The following ADCY10 variants were observed in gnomAD, a reference collection of about 807,000 sequenced individuals.
The protein encoded by ADCY10 is adenylate cyclase 10.
Under a neutral mutation model 183.3 loss-of-function variants are expected in ADCY10, and 156 were observed. The ratio of observed to expected loss-of-function variants is 0.85; its 90% CI spans 0.75 to 0.97. The LOEUF (loss-of-function observed/expected upper bound fraction) is 0.97. ADCY10 is among the 50% of genes least tolerant of loss of function. The pLI is 0.00. For missense variants in ADCY10, 1,745 were observed against 1,934.3 expected, an observed-to-expected ratio of 0.90 and a Z score of 1.84; for synonymous variants, 645 against 670.0, an observed-to-expected ratio of 0.96 and a Z score of 0.58.
At chr1:167,910,599 A>T (rs1670086954) in intron 1 of ADCY10, among the ~76,000 whole-genome samples, 1 of 152,206 alleles carries the variant, frequency 6.6e-6, no homozygotes, top group African/African-American at 2.4e-5. Context: ...ATTAAAGTTC[A>T]TGGGAAGTAT....
intron 30 of ADCY10, 183 bp from the exon 31 acceptor site, chr1:167,818,450 A>G: frequency 1.4e-6 from 1 of 730,034 alleles, no homozygotes; most frequent in East Asian, 2.5e-5. Context: ...AGAGCAAGGA[A>G]ATAATAAATT....
chr1:167,883,693 C>T (rs1668028006), intron 8 of ADCY10, 65 bp from the exon 9 acceptor site: 2 of 1,489,284 alleles, frequency 1.3e-6, no homozygotes, highest in Non-Finnish European at 9.4e-7. Context: ...CAACACCGCC[C>T]CCACCTCATA....
intron 18 of ADCY10, among the ~76,000 whole-genome samples, chr1:167,852,868 T>C (rs889351214): frequency 6.6e-5 from 10 of 151,994 alleles, no homozygotes; most frequent in Non-Finnish European, 1.2e-4. Flanking sequence ...GGCCACATGG[T>C]CCTGTAGTCA....
intron 14 of ADCY10, among the ~76,000 whole-genome samples, chr1:167,869,027 A>G (rs1208049751): frequency 6.6e-6 from 1 of 152,242 alleles, no homozygotes; most frequent in Admixed American, 6.5e-5. Flanking sequence ...ATTTAACCTT[A>G]CTAATTACTG....
intron 14 of ADCY10, among the ~76,000 whole-genome samples, chr1:167,863,940 G>A (rs754526301): frequency 3.9e-5 from 6 of 152,080 alleles, no homozygotes; most frequent in Non-Finnish European, 8.8e-5. Context: ...TTTTGACTTG[G>A]TTTGAATTAC....
At chr1:167,856,511 C>T in intron 16 of ADCY10, 72 bp from the exon 17 acceptor site, 1 of 1,446,722 alleles carries the variant, frequency 6.9e-7, no homozygotes, top group Non-Finnish European at 9.7e-7. Flanking sequence ...TATGGGTATG[C>T]ATATGTATCC....
chr1:167,887,586 C>T (rs1278319737), intron 8 of ADCY10, among the ~76,000 whole-genome samples: 1 of 151,888 alleles, frequency 6.6e-6, no homozygotes, highest in African/African-American at 2.4e-5. Flanking sequence ...AGGAGATATA[C>T]CTAATGTAAA....
At chr1:167,827,957 G>A (rs528857099) in intron 26 of ADCY10, among the ~76,000 whole-genome samples, 96 of 151,958 alleles carry the variant, frequency 6.3e-4, no homozygotes, top group African/African-American at 2.1e-3. Flanking sequence ...CACGTGATCC[G>A]CCCACCTCAG....
intron 9 of ADCY10, among the ~76,000 whole-genome samples, 200 bp from the exon 10 acceptor site, chr1:167,880,809 A>G (rs1201550824): frequency 6.6e-6 from 1 of 152,228 alleles, no homozygotes; most frequent in Non-Finnish European, 1.5e-5. Context: ...AGCCTTGAGA[A>G]GGGCTTGTTT....
chr1:167,860,263 T>C (rs948666034), intron 15 of ADCY10, among the ~76,000 whole-genome samples: 1 of 152,132 alleles, frequency 6.6e-6, no homozygotes, highest in African/African-American at 2.4e-5. Context: ...TGGAAGCCAG[T>C]GACAGATCAT....
intron 18 of ADCY10, 82 bp from the exon 19 acceptor site, chr1:167,848,571 A>C: frequency 1.3e-6 from 2 of 1,484,246 alleles, no homozygotes; most frequent in Non-Finnish European, 9.4e-7. Context: ...TTTGAGATGG[A>C]TCTCATATGA....
At chr1:167,848,592 G>A in intron 18 of ADCY10, 103 bp from the exon 19 acceptor site, 3 of 1,261,226 alleles carry the variant, frequency 2.4e-6, no homozygotes, top group African/African-American at 1.5e-5. Context: ...GGAAGACTGG[G>A]CAGAGATGTA....
At chr1:167,896,502 G>T in intron 7 of ADCY10, 93 bp downstream of exon 7, 1 of 1,013,798 alleles carries the variant, frequency 9.9e-7, no homozygotes, top group Non-Finnish European at 1.6e-6. Flanking sequence ...GTGTTGAGGA[G>T]CCCACCCACC....
chr1:167,912,632 GC>G (rs1056381956), intron 1 of ADCY10, among the ~76,000 whole-genome samples: 1 of 152,134 alleles, frequency 6.6e-6, no homozygotes, highest in Non-Finnish European at 1.5e-5. Context: ...CGGCTTTGGA[GC>G]CCCCCTCCCT....
Position 167,824,587 on chromosome 1 carries a change from A to G in ADCY10, c.3956-15T>C. ...GGCTCGGGAGCCTGGGAAGAAAACA[A>G]TTCCAGTATATTGTGGGGCATTCCT... On this transcript the variant is annotated splice_polypyrimidine_tract_variant and intron_variant, in intron 27 of 32. Coordinates refer to ENST00000367851, the MANE Select transcript of ADCY10 (RefSeq NM_018417.6). The G allele has an allele frequency of 6.2e-7, 1 of 1,614,144 alleles. No homozygotes were observed. Among genetic ancestry groups the G allele is most frequent in the Non-Finnish European group, 8.5e-7 (1 of 1,180,008 alleles).
At chr1:167,848,221 T>C (rs1326407421) in intron 19 of ADCY10, 140 bp downstream of exon 19, 3 of 635,830 alleles carry the variant, frequency 4.7e-6, no homozygotes, top group African/African-American at 3.7e-5. Context: ...GCTAATTTTT[T>C]TGTATTTTTA....
At chr1:167,818,020 A>C in intron 31 of ADCY10, 52 bp downstream of exon 31, 53 of 1,505,768 alleles carry the variant, frequency 3.5e-5, no homozygotes, top group Non-Finnish European at 4.5e-5. Flanking sequence ...GGAAGTAGAC[A>C]GAGATCCATT....
chr1:167,809,407 A>G lies in ADCY10; in HGVS notation c.*271T>C, dbSNP rs774962995. 1.2e-4 allele frequency: 49 copies of G among 420,878 alleles called. 1 individual carries two copies. The highest frequency in any genetic ancestry group is 1.2e-4 in the Non-Finnish European group (27 of 231,888). The allele number at this position is 420,878 out of a possible 1,614,324, so 26.1% of individuals were successfully genotyped here. A position where few individuals can be genotyped will look rare whatever the true frequency, so the allele number is the denominator to read the frequency against. ...CATCTTGAGATTAATAATTTGTAAT[A>G]TGATACAGTTTTGCATGGGCTGAAA... On this transcript the variant is annotated 3_prime_UTR_variant, in exon 33 of 33. Coordinates refer to ENST00000367851, the MANE Select transcript of ADCY10 (RefSeq NM_018417.6).
At chr1:167,884,700 T>TA (rs1335191291) in intron 8 of ADCY10, among the ~76,000 whole-genome samples, 2 of 147,568 alleles carry the variant, frequency 1.4e-5, no homozygotes, top group Non-Finnish European at 3.0e-5. Context: ...TTTAATTTTT[T>TA]TTTTTTTTTT....
Sources: gnomAD v4.1 joint callset for allele counts (sites outside exome capture counted in the v4.1 genomes callset) on GRCh38, gnomAD v4.1.1 for gene constraint, MANE v1.5 for transcripts, NCBI Gene and HGNC (gene_info 2026-07-23, HGNC 2026-07-21) for gene names.